Variants in APP observed in about 807,000 individuals in gnomAD.
The protein encoded by APP is amyloid-beta precursor protein.
A neutral mutation model predicts 101.4 loss-of-function variants in APP; 31 were observed. The observed-to-expected ratio is 0.31, with a 90% CI of 0.23 to 0.41. The LOEUF (loss-of-function observed/expected upper bound fraction) is 0.41. Among genes scored for constraint, APP ranks in the 10% least tolerant of loss-of-function variants. The probability of loss-of-function intolerance (pLI) is 1.00; values close to 1 mark genes in which losing one functional copy is unlikely to be tolerated. For missense variants in APP, 839 were observed against 1,003.7 expected, an observed-to-expected ratio of 0.84 and a Z score of 2.22; for synonymous variants, 366 against 364.4, an observed-to-expected ratio of 1.00 and a Z score of -0.05.
At chr21:25,938,852 G>A (rs2040458339) in intron 13 of APP, among the ~76,000 whole-genome samples, 1 of 152,154 alleles carries the variant, frequency 6.6e-6, no homozygotes, top group African/African-American at 2.4e-5. Context: ...TGGAGTCAGC[G>A]AGAGACGCTA....
At chr21:25,914,585 G>C (rs2039250331) in intron 13 of APP, among the ~76,000 whole-genome samples, 1 of 124,880 alleles carries the variant, frequency 8.0e-6, no homozygotes, top group African/African-American at 3.5e-5. Context: ...ACGGAGTCTT[G>C]CTCTGTCGCC....
intron 5 of APP, among the ~76,000 whole-genome samples, chr21:26,049,431 G>C (rs372613456): frequency 6.6e-6 from 1 of 152,134 alleles, no homozygotes; most frequent in African/African-American, 2.4e-5. Flanking sequence ...GCATGAGAGA[G>C]AGTTACGCTG....
chr21:25,912,123 C>T (rs986513543), intron 13 of APP, among the ~76,000 whole-genome samples, 161 bp from the exon 14 acceptor site: 1 of 152,180 alleles, frequency 6.6e-6, no homozygotes, highest in Non-Finnish European at 1.5e-5. Context: ...CTCCCTTTTA[C>T]AGATGTGAAA....
intron 3 of APP, among the ~76,000 whole-genome samples, chr21:26,054,085 C>A (rs1355182399): frequency 6.6e-6 from 1 of 152,108 alleles, no homozygotes; most frequent in African/African-American, 2.4e-5. Context: ...CTGCAATATT[C>A]CCAGCTTTTA....
chr21:25,909,423 G>T (rs1230284964), intron 14 of APP, among the ~76,000 whole-genome samples: 1 of 152,132 alleles, frequency 6.6e-6, no homozygotes, highest in Non-Finnish European at 1.5e-5. Flanking sequence ...TGTTATACCA[G>T]ATTCTACTGT....
intron 14 of APP, among the ~76,000 whole-genome samples, chr21:25,910,284 C>T (rs898446084): frequency 2.6e-5 from 4 of 152,166 alleles, no homozygotes; most frequent in South Asian, 2.1e-4. Flanking sequence ...CCCGCCACCA[C>T]GCCCGGCTAA....
At chr21:26,118,289 T>C (rs1334023519) in intron 1 of APP, among the ~76,000 whole-genome samples, 1 of 152,208 alleles carries the variant, frequency 6.6e-6, no homozygotes, top group African/African-American at 2.4e-5. Flanking sequence ...CTAGGACTGA[T>C]ATAAATGAAT....
In APP at chr21:26,164,560, T is replaced by C. The variant is rs975605828; in HGVS notation, c.57+6004A>G. ...GCCAGTGTATAAACTTGCTCAATAT[T>C]AGACATCTGTGGCAAGCTGCCAGTG... On this transcript the variant is annotated intron_variant, in intron 1 of 17. Transcript: ENST00000346798. Among the ~76,000 whole-genome samples the C allele has an allele frequency of 4.6e-5, 7 of 152,182 alleles. No homozygotes were observed. In the East Asian group the frequency reaches 5.8e-4, roughly 13 times the overall value.
intron 7 of APP, 45 bp from the exon 8 acceptor site, chr21:25,997,461 C>G: frequency 6.6e-7 from 1 of 1,520,112 alleles, no homozygotes; most frequent in South Asian, 1.1e-5. Flanking sequence ...AAAAGAGAAA[C>G]ATGGGAATGA....
At chr21:25,957,686 A>G (rs1010750647) in intron 11 of APP, among the ~76,000 whole-genome samples, 49 of 152,106 alleles carry the variant, frequency 3.2e-4, no homozygotes, top group African/African-American at 1.1e-3. Flanking sequence ...AATTTTTAAG[A>G]GTTTAAATAA....
At chr21:26,009,934 G>A in intron 6 of APP, 1 of 164,912 alleles carries the variant, frequency 6.1e-6, no homozygotes, top group Non-Finnish European at 1.3e-5. Flanking sequence ...AGAATTAGAT[G>A]ATATTTCTGT....
chr21:25,892,114 G>T (rs1292995798), intron 16 of APP, among the ~76,000 whole-genome samples: 5 of 149,288 alleles, frequency 3.3e-5, no homozygotes, highest in Non-Finnish European at 5.9e-5. Context: ...TTTATAGAAG[G>T]ATGTACAACA....
chr21:26,115,885 T>C (rs1601501623), intron 1 of APP, among the ~76,000 whole-genome samples: 1 of 152,228 alleles, frequency 6.6e-6, no homozygotes, highest in Non-Finnish European at 1.5e-5. Context: ...ATGGGAAATA[T>C]AACCACTTAA....
intron 3 of APP, among the ~76,000 whole-genome samples, chr21:26,063,771 A>T (rs1389774807): frequency 6.6e-6 from 1 of 152,234 alleles, no homozygotes; most frequent in Non-Finnish European, 1.5e-5. Flanking sequence ...GCCCTCAAGA[A>T]AATGAAGCAT....
chr21:26,146,336 G>T (rs1376581120), intron 1 of APP, among the ~76,000 whole-genome samples: 1 of 152,190 alleles, frequency 6.6e-6, no homozygotes, highest in Non-Finnish European at 1.5e-5. Flanking sequence ...TCAATTGACA[G>T]TAGATGAAAA....
chr21:26,089,636 TA>T (rs2061779011), intron 3 of APP: 1 of 243,048 alleles, frequency 4.1e-6, no homozygotes, highest in Admixed American at 4.9e-5. Flanking sequence ...TGCGATACGG[TA>T]AAATAAGAAT....
chr21:25,928,536 AT>A (rs1340823035), intron 13 of APP, among the ~76,000 whole-genome samples: 1 of 152,186 alleles, frequency 6.6e-6, no homozygotes, highest in Non-Finnish European at 1.5e-5. Context: ...TCCTTTAAAA[AT>A]TTTTAAATAT....
At chr21:26,095,627 G>C (rs975730794) in intron 2 of APP, among the ~76,000 whole-genome samples, 1 of 152,064 alleles carries the variant, frequency 6.6e-6, no homozygotes, top group Admixed American at 6.6e-5. Flanking sequence ...CTAAGGTTTC[G>C]GGCATTCACT....
At chr21:25,987,333 A>G (rs3787635) in intron 8 of APP, among the ~76,000 whole-genome samples, 48,011 of 152,132 alleles carry the variant, frequency 0.32, 8,740 homozygotes, top group African/African-American at 0.5. Context: ...CCCCTCCACA[A>G]AAACCTAGAC....
Sources: allele counts gnomAD v4.1 joint callset (sites outside exome capture counted in the v4.1 genomes callset), GRCh38; gene constraint gnomAD v4.1.1; transcripts MANE v1.5; gene names NCBI Gene and HGNC (gene_info 2026-07-23, HGNC 2026-07-21).